The following LRRC7 variants were observed in gnomAD, a reference collection of about 807,000 sequenced individuals.
The protein encoded by LRRC7 is leucine-rich repeat-containing protein 7.
A neutral mutation model predicts 175.7 loss-of-function variants in LRRC7; 23 were observed. That is an observed-to-expected ratio of 0.13 (90% CI 0.09 to 0.19). The LOEUF (loss-of-function observed/expected upper bound fraction) is 0.19. Ranked by LOEUF, LRRC7 falls within the 10% of genes least tolerant of loss-of-function variation. The probability of loss-of-function intolerance (pLI) is 1.00; values close to 1 mark genes in which losing one functional copy is unlikely to be tolerated. For synonymous variants in LRRC7, 685 were observed against 680.9 expected, an observed-to-expected ratio of 1.01 and a Z score of -0.09; for missense variants, 1,354 against 1,904.7, an observed-to-expected ratio of 0.71 and a Z score of 5.38.
intron 7 of LRRC7, among the ~76,000 whole-genome samples, chr1:69,900,297 T>C (rs1311475508): frequency 6.6e-6 from 1 of 152,200 alleles, no homozygotes; most frequent in Non-Finnish European, 1.5e-5. Flanking sequence ...GAAGTAATCA[T>C]AATAGAGGTT....
intron 17 of LRRC7, among the ~76,000 whole-genome samples, chr1:70,023,654 T>G (rs1657765925): frequency 6.6e-6 from 1 of 152,004 alleles, no homozygotes; most frequent in Admixed American, 6.6e-5. Flanking sequence ...TTCTTTAATT[T>G]AAAGTGTGGG....
chr1:70,041,520 C>T (rs1331529608), intron 21 of LRRC7, among the ~76,000 whole-genome samples: 4 of 152,210 alleles, frequency 2.6e-5, no homozygotes, highest in African/African-American at 9.6e-5. Context: ...CTCAAGTATA[C>T]CCTCCATGTA....
In LRRC7 at chr1:70,124,937, G is replaced by A. The variant is rs1666379904; in HGVS notation, c.*3050G>A. On this transcript the variant is annotated 3_prime_UTR_variant, in exon 27 of 27. Coordinates refer to ENST00000651989, the MANE Select transcript of LRRC7 (RefSeq NM_001370785.2). Reference sequence around the variant, plus strand: ...AACATTAGAGGTAGAAAGAGCAAGTGATGAAAATTACTAGTAAAATTGCAA... The same window carrying A: ...AACATTAGAGGTAGAAAGAGCAAGTAATGAAAATTACTAGTAAAATTGCAA... Among the ~76,000 whole-genome samples, 3 of 152,250 alleles carry A rather than the reference G, an allele frequency of 2.0e-5. No homozygotes were observed. The highest frequency in any genetic ancestry group is 4.1e-4 in the South Asian group (2 of 4,822).
intron 8 of LRRC7, among the ~76,000 whole-genome samples, chr1:69,969,020 G>A (rs1040462787): frequency 5.3e-5 from 8 of 151,654 alleles, no homozygotes; most frequent in African/African-American, 9.7e-5. Context: ...GGGTTTCACC[G>A]TGTTAGCCAG....
intron 14 of LRRC7, among the ~76,000 whole-genome samples, chr1:70,016,787 G>T (rs1261426661): frequency 6.6e-6 from 1 of 151,978 alleles, no homozygotes; most frequent in Non-Finnish European, 1.5e-5. Context: ...TACACAAAAT[G>T]ATCATTTTTA....
intron 7 of LRRC7, among the ~76,000 whole-genome samples, chr1:69,915,558 A>G (rs1646660507): frequency 6.6e-6 from 1 of 152,156 alleles, no homozygotes; most frequent in African/African-American, 2.4e-5. Flanking sequence ...AACTATTTCC[A>G]TCTGTTAGAG....
chr1:69,640,371 T>C (rs1036219903), intron 1 of LRRC7, among the ~76,000 whole-genome samples: 16 of 151,794 alleles, frequency 1.1e-4, no homozygotes, highest in African/African-American at 3.9e-4. Context: ...CAGTGTAAAC[T>C]TTTTGACTTG....
chr1:69,889,573 A>G (rs1481855527), intron 7 of LRRC7, among the ~76,000 whole-genome samples: 1 of 152,182 alleles, frequency 6.6e-6, no homozygotes, highest in Non-Finnish European at 1.5e-5. Context: ...ATGGGAGGCT[A>G]AAGCAGGTGG....
intron 7 of LRRC7, among the ~76,000 whole-genome samples, chr1:69,895,368 C>T (rs2101653470): frequency 6.6e-6 from 1 of 152,102 alleles, no homozygotes; most frequent in East Asian, 1.9e-4. Flanking sequence ...ATGTAAACCT[C>T]CTATCTGGAT....
rs966081028 is a variant in LRRC7, at chr1:69,638,797, C to A, written c.3-39584C>A. Among the ~76,000 whole-genome samples the A allele has an allele frequency of 5.3e-5, 8 of 151,832 alleles. No individual in the cohort carries two copies. The East Asian group carries it at 1.6e-3, about 29-fold the overall frequency. ...TTCAAGATTATTATTATATTTAAAG[C>A]AACTCTGTTTTGAATCACCACTTGA... On this transcript the variant is annotated intron_variant, in intron 1 of 26. Coordinates refer to ENST00000651989, the MANE Select transcript of LRRC7 (RefSeq NM_001370785.2).
At chr1:70,007,412 T>A (rs910304103) in intron 11 of LRRC7, among the ~76,000 whole-genome samples, 2 of 152,176 alleles carry the variant, frequency 1.3e-5, no homozygotes, top group Non-Finnish European at 2.9e-5. Flanking sequence ...ATGGGAAACA[T>A]TATGATTGTT....
At chr1:69,950,811 G>T (rs776990708) in intron 8 of LRRC7, among the ~76,000 whole-genome samples, 1 of 151,916 alleles carries the variant, frequency 6.6e-6, no homozygotes, top group Non-Finnish European at 1.5e-5. Context: ...CAAGGGAGAT[G>T]GATAAAAGAG....
chr1:69,926,797 G>A (rs1195073154), intron 7 of LRRC7, among the ~76,000 whole-genome samples: 1 of 151,616 alleles, frequency 6.6e-6, no homozygotes, highest in Non-Finnish European at 1.5e-5. Flanking sequence ...GGAGCATTTA[G>A]CCCATTTACA....
chr1:69,668,239 G>A (rs1006702219), intron 1 of LRRC7, among the ~76,000 whole-genome samples: 1 of 151,942 alleles, frequency 6.6e-6, no homozygotes, highest in African/African-American at 2.4e-5. Context: ...GTGGTTTGCT[G>A]CACCCATCAA....
In LRRC7 at chr1:69,992,610, C is replaced by T. The variant is rs866107503; in HGVS notation, c.932-1951C>T. 3.9e-4 allele frequency among the ~76,000 whole-genome samples: 60 copies of T among 152,274 alleles called. 1 individual carries two copies. The highest frequency in any genetic ancestry group is 1.3e-4 in the Non-Finnish European group (9 of 68,026). The stretch of plus-strand genomic sequence containing the variant: ...CTCCAGACTCTGTCCGAAGAGTATC[C>T]TCTTGGATGGAATATGAGTGTTGGC... On this transcript the variant is annotated intron_variant, in intron 10 of 26. Transcript: ENST00000651989.
Position 69,568,504 on chromosome 1 carries a change from T to C in LRRC7, c.-136T>C, listed in dbSNP as rs960632710. 5.7e-6 allele frequency: 4 copies of C among 707,126 alleles called. No homozygotes were observed. In the African/African-American group the frequency reaches 7.8e-5, roughly 14 times the overall value. The allele number at this position is 707,126 out of a possible 1,614,324, so 43.8% of individuals were successfully genotyped here. On this transcript the variant is annotated 5_prime_UTR_variant, in exon 1 of 27. Transcript: ENST00000651989. Reference sequence around the variant, plus strand: ...TCTATCTCCTGTTCTTCCTACCTTCTACTCCTTCCCTCCTCTTCTCCTCCG... The same window carrying C: ...TCTATCTCCTGTTCTTCCTACCTTCCACTCCTTCCCTCCTCTTCTCCTCCG...
chr1:70,097,692 A>G (rs1362071741), intron 25 of LRRC7, among the ~76,000 whole-genome samples: 1 of 148,246 alleles, frequency 6.7e-6, no homozygotes, highest in African/African-American at 2.5e-5. Flanking sequence ...ATTCCCACCT[A>G]TGAGTGAGAA....
intron 18 of LRRC7, among the ~76,000 whole-genome samples, chr1:70,033,583 C>A (rs1434892606): frequency 6.6e-6 from 1 of 151,738 alleles, no homozygotes; most frequent in Non-Finnish European, 1.5e-5. Flanking sequence ...AGCTGATAAT[C>A]ATCCTCTCTT....
At chr1:69,605,363 T>G (rs551386252) in intron 1 of LRRC7, among the ~76,000 whole-genome samples, 1 of 152,290 alleles carries the variant, frequency 6.6e-6, no homozygotes, top group African/African-American at 2.4e-5. Flanking sequence ...AATTACCTAG[T>G]CTGGGGTATA....
Sources: allele counts gnomAD v4.1 joint callset (sites outside exome capture counted in the v4.1 genomes callset), GRCh38; gene constraint gnomAD v4.1.1; transcripts MANE v1.5; gene names NCBI Gene and HGNC (gene_info 2026-07-23, HGNC 2026-07-21).